The following CREB5 variants were observed in gnomAD, a reference collection of about 807,000 sequenced individuals.
CREB5 encodes the protein cAMP responsive element binding protein 5, also known as cyclic AMP-responsive element-binding protein 5.
Under a neutral mutation model 57.1 loss-of-function variants are expected in CREB5, and 19 were observed. The ratio of observed to expected loss-of-function variants is 0.33; its 90% CI spans 0.23 to 0.49. CREB5 has a LOEUF of 0.49. Among genes scored for constraint, CREB5 ranks in the 20% least tolerant of loss-of-function variants. The pLI is 0.99. For missense variants in CREB5, 579 were observed against 671.6 expected (o/e 0.86, Z 1.52); for synonymous variants, 238 against 238.3 (o/e 1.00, Z 0.01).
chr7:28,356,525 G>A (rs559624507), intron 1 of CREB5, among the ~76,000 whole-genome samples: 10 of 152,212 alleles, frequency 6.6e-5, no homozygotes, highest in Non-Finnish European at 1.3e-4. Context: ...CGGGCAGACC[G>A]ATCAATAGGC....
chr7:28,452,392 CAT>C (rs1789865162), intron 1 of CREB5, among the ~76,000 whole-genome samples: 1 of 152,118 alleles, frequency 6.6e-6, no homozygotes, highest in African/African-American at 2.4e-5. Context: ...ACCCTAGACA[CAT>C]GATTATAAAA....
At chr7:28,558,223 A>G (rs1794951177) in intron 4 of CREB5, among the ~76,000 whole-genome samples, 1 of 152,206 alleles carries the variant, frequency 6.6e-6, no homozygotes, top group African/African-American at 2.4e-5. Flanking sequence ...TTTAAGAAAA[A>G]AGAAATACTG....
chr7:28,357,066 T>C (rs1786360869), intron 1 of CREB5, among the ~76,000 whole-genome samples: 1 of 151,848 alleles, frequency 6.6e-6, no homozygotes, highest in African/African-American at 2.4e-5. Context: ...CTCTTTCTTT[T>C]TTCCCTGCAT....
rs78904466 is a variant in CREB5 at position 28,630,078 on chromosome 7, C to T, written c.464+59541C>T. Among the ~76,000 whole-genome samples, 952 of 152,352 alleles carry T rather than the reference C, an allele frequency of 6.2e-3. 6 individuals are homozygous for T. The highest frequency in any genetic ancestry group is 0.011 in the Admixed American group (164 of 15,306). On this transcript the variant is annotated intron_variant, in intron 5 of 10. Coordinates refer to ENST00000357727, the MANE Select transcript of CREB5 (RefSeq NM_182898.4). ...ATTCTGTGAAACTGTGGACTCACTG[C>T]TCATGTGATGGCTACTTGGACAGCC... is the stretch of plus-strand genomic sequence containing the variant.
chr7:28,509,986 G>T (rs572652028), intron 4 of CREB5, among the ~76,000 whole-genome samples: 1 of 152,264 alleles, frequency 6.6e-6, no homozygotes, highest in Non-Finnish European at 1.5e-5. Flanking sequence ...GCCTCAGGTG[G>T]CCATGGTTAC....
At chr7:28,478,960 T>C (rs1337763877) in intron 1 of CREB5, among the ~76,000 whole-genome samples, 2 of 152,244 alleles carry the variant, frequency 1.3e-5, no homozygotes, top group Admixed American at 6.5e-5. Flanking sequence ...CTTTTTTGAA[T>C]ATTCATAAAG....
intron 1 of CREB5, among the ~76,000 whole-genome samples, chr7:28,423,175 A>G (rs1163546075): frequency 1.3e-5 from 2 of 152,218 alleles, no homozygotes; most frequent in Non-Finnish European, 2.9e-5. Context: ...CTTTGTTACT[A>G]AGAAGCAGCA....
chr7:28,492,339 T>A (rs545339113), intron 2 of CREB5, among the ~76,000 whole-genome samples: 1 of 152,204 alleles, frequency 6.6e-6, no homozygotes. Flanking sequence ...ACATTATCTT[T>A]GTCTCAGAAG....
chr7:28,783,868 G>C (rs1384163381), intron 7 of CREB5, among the ~76,000 whole-genome samples: 4 of 152,194 alleles, frequency 2.6e-5, no homozygotes, highest in African/African-American at 9.7e-5. Flanking sequence ...TCTTAAACAA[G>C]CCACTTACAG....
In CREB5 at chr7:28,527,050, TGAG is replaced by T. The variant is rs548935444; in HGVS notation, c.291+19319_291+19321del. Among the ~76,000 whole-genome samples the T allele has an allele frequency of 3.9e-5, 6 of 152,312 alleles. No homozygotes were observed. In the East Asian group the frequency reaches 1.2e-3, roughly 29 times the overall value. ...AACCTTGACTTTTCCATTGTGTATC[TGAG>T]GAGGACAACTCATCAGGGAATTGGA... On this transcript the variant is annotated intron_variant, in intron 4 of 10. Coordinates refer to ENST00000357727, the MANE Select transcript of CREB5 (RefSeq NM_182898.4).
intron 1 of CREB5, among the ~76,000 whole-genome samples, chr7:28,435,361 A>G (rs919699118): frequency 7.0e-6 from 1 of 141,904 alleles, no homozygotes; most frequent in Non-Finnish European, 1.5e-5. Flanking sequence ...GGGGATGTGC[A>G]TTTTGACCTT....
intron 4 of CREB5, among the ~76,000 whole-genome samples, chr7:28,532,669 A>G (rs1411598988): frequency 2.0e-5 from 3 of 152,210 alleles, no homozygotes; most frequent in African/African-American, 7.2e-5. Context: ...AAATTGGTAT[A>G]TTTTATTTAC....
chr7:28,371,444 G>A (rs986778821), intron 1 of CREB5, among the ~76,000 whole-genome samples: 2 of 148,932 alleles, frequency 1.3e-5, no homozygotes, highest in Non-Finnish European at 3.0e-5. Flanking sequence ...AGCCAAGATC[G>A]CGACACTGCA....
At chr7:28,475,692 T>C (rs1791042337) in intron 1 of CREB5, among the ~76,000 whole-genome samples, 1 of 152,108 alleles carries the variant, frequency 6.6e-6, no homozygotes, top group Non-Finnish European at 1.5e-5. Context: ...AGGCTGAGTT[T>C]CTCATCTTAT....
chr7:28,541,090 A>T (rs1245111186), intron 4 of CREB5, among the ~76,000 whole-genome samples: 3 of 152,258 alleles, frequency 2.0e-5, no homozygotes, highest in Admixed American at 1.3e-4. Context: ...TGCGTAAATG[A>T]ATAAAATATG....
intron 1 of CREB5, among the ~76,000 whole-genome samples, chr7:28,339,795 A>G (rs1785898037): frequency 6.6e-6 from 1 of 152,140 alleles, no homozygotes; most frequent in African/African-American, 2.4e-5. Context: ...CATAAACTTT[A>G]GAAATTTACC....
At chr7:28,370,267 C>T (rs964961374) in intron 1 of CREB5, among the ~76,000 whole-genome samples, 5 of 152,196 alleles carry the variant, frequency 3.3e-5, no homozygotes, top group Non-Finnish European at 7.3e-5. Flanking sequence ...TGAAGCCAGG[C>T]CTCTACCACT....
rs1269967619 is a variant in CREB5 at position 28,570,272 on chromosome 7, T to C, written c.292-93T>C. On this transcript the variant is annotated intron_variant, in intron 4 of 10. Transcript: ENST00000357727. ...GCCATAACTCTCTATGTAGTTGACA[T>C]GACTAGATTCCCAGTTTTGGCCTTT... 4 of 1,360,522 alleles carry C rather than the reference T, an allele frequency of 2.9e-6. No individual in the cohort carries two copies. The East Asian group carries it at 9.3e-5, about 32-fold the overall frequency. The allele number at this position is 1,360,522 out of a possible 1,614,324, so 84.3% of individuals were successfully genotyped here.
intron 5 of CREB5, among the ~76,000 whole-genome samples, chr7:28,670,212 A>G (rs1006764747): frequency 6.6e-6 from 1 of 152,248 alleles, no homozygotes; most frequent in Non-Finnish European, 1.5e-5. Flanking sequence ...ATTAGGCACA[A>G]TAAGAGACTA....
Sources: allele counts gnomAD v4.1 joint callset (sites outside exome capture counted in the v4.1 genomes callset), GRCh38; gene constraint gnomAD v4.1.1; transcripts MANE v1.5; gene names NCBI Gene and HGNC (gene_info 2026-07-23, HGNC 2026-07-21).